Variants in TRPC7 observed in about 807,000 individuals in gnomAD.
TRPC7 encodes short transient receptor potential channel 7.
In TRPC7, 42 loss-of-function variants were observed where a neutral mutation model predicts 90.1. That is an observed-to-expected ratio of 0.47 (90% CI 0.36 to 0.60). The LOEUF (loss-of-function observed/expected upper bound fraction) is 0.60, where lower values mean the gene tolerates loss of function less well. Ranked by LOEUF, TRPC7 falls within the 20% of genes least tolerant of loss-of-function variation. TRPC7 has a pLI of 0.00. For synonymous variants in TRPC7, 451 were observed against 436.3 expected (o/e 1.03, Z -0.42); for missense variants, 955 against 1,112.3 (o/e 0.86, Z 2.01).
At position 136,228,020 on chromosome 5, in the gene TRPC7, CCTGGGCATG is replaced by C. The variant is rs539717716; in HGVS notation, c.2041-1774_2041-1766del. ...TGTACTTGGCATGTGCTAGGGAGGC[CCTGGGCATG>C]ACGATCCATGCCGTGGTGGAACACA... On this transcript the variant is annotated intron_variant, in intron 8 of 11. Transcript: ENST00000513104. Among the ~76,000 whole-genome samples the C allele has an allele frequency of 3.6e-4, 55 of 152,246 alleles. No homozygotes were observed. The South Asian group carries it at 0.011, about 30-fold the overall frequency.
intron 7 of TRPC7, among the ~76,000 whole-genome samples, chr5:136,235,049 T>C (rs1195447610): frequency 1.3e-5 from 2 of 152,210 alleles, no homozygotes; most frequent in African/African-American, 4.8e-5. Flanking sequence ...ATTACATAAT[T>C]CTGGGCTGGG....
At position 136,293,748 on chromosome 5, in the gene TRPC7, T is replaced by G. The variant is rs529034178; in HGVS notation, c.964-18911A>C. The stretch of plus-strand genomic sequence containing the variant: ...ATTTATAGATTCAGTGCCATCCCCA[T>G]CAAGCTACCAATGACTTTCTTCACA... On this transcript the variant is annotated intron_variant, in intron 3 of 11. Coordinates refer to ENST00000513104, the MANE Select transcript of TRPC7 (RefSeq NM_020389.3). Among the ~76,000 whole-genome samples, 3 of 152,246 alleles carry G rather than the reference T, an allele frequency of 2.0e-5. No individual in the cohort carries two copies. The South Asian group carries it at 6.2e-4, about 32-fold the overall frequency.
At chr5:136,246,256 C>CAGG (rs1756334067) in intron 7 of TRPC7, among the ~76,000 whole-genome samples, 1 of 152,228 alleles carries the variant, frequency 6.6e-6, no homozygotes, top group Non-Finnish European at 1.5e-5. Flanking sequence ...CATGATGCTG[C>CAGG]AGGACTTGCT....
chr5:136,304,678 G>A (rs533674872), intron 3 of TRPC7, among the ~76,000 whole-genome samples: 1 of 152,200 alleles, frequency 6.6e-6, no homozygotes, highest in Admixed American at 6.5e-5. Flanking sequence ...CTGCTGCAAG[G>A]CTTCACAGAC....
chr5:136,312,836 T>C (rs531702721), intron 3 of TRPC7, among the ~76,000 whole-genome samples: 2 of 152,290 alleles, frequency 1.3e-5, no homozygotes, highest in Middle Eastern at 3.4e-3. Context: ...ATTCAAATCC[T>C]GGCATTTCAT....
chr5:136,295,860 T>C (rs932528280), intron 3 of TRPC7, among the ~76,000 whole-genome samples: 2 of 152,236 alleles, frequency 1.3e-5, no homozygotes, highest in Non-Finnish European at 2.9e-5. Flanking sequence ...TTCTTTGAAC[T>C]CAGCCATTGC....
intron 3 of TRPC7, among the ~76,000 whole-genome samples, chr5:136,282,962 G>A (rs1433765722): frequency 3.3e-5 from 5 of 152,094 alleles, no homozygotes; most frequent in Admixed American, 6.6e-5. Context: ...CAGGCTGGAC[G>A]ACAGGGGATT....
At chr5:136,326,769 G>C (rs190726723) in intron 2 of TRPC7, among the ~76,000 whole-genome samples, 158 of 152,286 alleles carry the variant, frequency 1.0e-3, no homozygotes, top group African/African-American at 3.6e-3. Context: ...TTGCCAAAGA[G>C]TGCAACAAGT....
At chr5:136,297,432 T>C (rs1212939451) in intron 3 of TRPC7, among the ~76,000 whole-genome samples, 1 of 152,072 alleles carries the variant, frequency 6.6e-6, no homozygotes, top group Non-Finnish European at 1.5e-5. Context: ...TAGGGAATAA[T>C]AAGCATAAAA....
intron 5 of TRPC7, among the ~76,000 whole-genome samples, chr5:136,252,516 GTA>G (rs1756556652): frequency 6.6e-6 from 1 of 151,684 alleles, no homozygotes; most frequent in East Asian, 1.9e-4. Flanking sequence ...CAATATAGAA[GTA>G]TATAAACAAA....
chr5:136,355,781 G>A (rs776406332), intron 2 of TRPC7, among the ~76,000 whole-genome samples: 4 of 152,178 alleles, frequency 2.6e-5, no homozygotes, highest in Admixed American at 1.3e-4. Flanking sequence ...CTGGGTGACA[G>A]TGCAAGACTC....
chr5:136,347,273 C>A (rs780515055), intron 2 of TRPC7, among the ~76,000 whole-genome samples: 3 of 152,154 alleles, frequency 2.0e-5, no homozygotes, highest in African/African-American at 7.2e-5. Flanking sequence ...ACCACCCATA[C>A]TCAATTGAGT....
intron 2 of TRPC7, among the ~76,000 whole-genome samples, chr5:136,355,722 C>T (rs1760347747): frequency 6.6e-6 from 1 of 152,160 alleles, no homozygotes; most frequent in Non-Finnish European, 1.5e-5. Flanking sequence ...GGCATGAACC[C>T]AGGAGGCAGA....
intron 3 of TRPC7, among the ~76,000 whole-genome samples, chr5:136,281,447 A>C (rs1042499902): frequency 7.9e-5 from 12 of 152,194 alleles, no homozygotes; most frequent in Admixed American, 6.5e-4. Context: ...TGAAGGACCT[A>C]ATTAGCATTT....
intron 6 of TRPC7, among the ~76,000 whole-genome samples, chr5:136,250,002 G>A (rs1443811886): frequency 6.6e-6 from 1 of 152,208 alleles, no homozygotes; most frequent in African/African-American, 2.4e-5. Flanking sequence ...AACCCATAAA[G>A]CAACAGAAGT....
At chr5:136,216,416 G>C in intron 10 of TRPC7, 141 bp from the exon 11 acceptor site, 1 of 688,174 alleles carries the variant, frequency 1.5e-6, no homozygotes, top group South Asian at 1.8e-5. Context: ...TCACTCTGGA[G>C]GGGTGCCCTG....
At chr5:136,284,591 A>G (rs1191873977) in intron 3 of TRPC7, among the ~76,000 whole-genome samples, 1 of 152,212 alleles carries the variant, frequency 6.6e-6, no homozygotes, top group Non-Finnish European at 1.5e-5. Flanking sequence ...CTTGGCTCTC[A>G]TTGCCCTCAA....
rs762902421 is a variant in TRPC7 at position 136,247,670 on chromosome 5, C to A, written c.1645G>T (p.Val549Leu). 1 of 1,613,964 alleles carries A rather than the reference C, an allele frequency of 6.2e-7. No homozygotes were observed. Among genetic ancestry groups the A allele is most frequent in the East Asian group, 2.2e-5 (1 of 44,886 alleles). Residue 549 changes from valine (V) to leucine (L), a missense_variant, in exon 7 of 12, where the codon GTG (valine) becomes TTG (leucine). Val to Leu is a conservative substitution (Grantham distance 32, BLOSUM62 1). Around this residue, in one of 4 missense-constraint regions of TRPC7, gnomAD observed 296 missense variants for 422.7 expected, o/e 0.70. Coordinates refer to ENST00000513104, the MANE Select transcript of TRPC7 (RefSeq NM_020389.3). The surrounding 1 kb of genome is among the most constrained non-coding windows in gnomAD (Gnocchi z 4.2). The stretch of plus-strand genomic sequence containing the variant: ...TATGCAATGCGAGAGAAGCTCAGCA[C>A]GACGGCTATCGCGTAGAGCCCTTCC... The part of the protein sequence containing the change: ...ISEGLYAIAV[V>L]LSFSRIAYIL...
intron 2 of TRPC7, among the ~76,000 whole-genome samples, chr5:136,355,094 C>T (rs2149860317): frequency 6.6e-6 from 1 of 152,334 alleles, no homozygotes; most frequent in South Asian, 2.1e-4. Flanking sequence ...GGTAACAGCT[C>T]TGTGTGCAAT....
Sources: allele counts gnomAD v4.1 joint callset (sites outside exome capture counted in the v4.1 genomes callset), GRCh38; gene constraint gnomAD v4.1.1; regional missense constraint gnomAD v4.1.1; non-coding constraint Gnocchi (gnomAD v3.1); transcripts MANE v1.5; gene names NCBI Gene and HGNC (gene_info 2026-07-23, HGNC 2026-07-21).